The following EFNA5 variants were observed in gnomAD, a reference collection of about 807,000 sequenced individuals.
EFNA5 encodes the protein ephrin-A5.
EFNA5 carries 5 observed loss-of-function variants against 22.9 expected under a neutral mutation model. The observed-to-expected ratio is 0.22, with a 90% CI of 0.11 to 0.46. The LOEUF is 0.46. Ranked by LOEUF, EFNA5 falls within the 20% of genes least tolerant of loss-of-function variation. The probability of loss-of-function intolerance (pLI) is 0.99; values close to 1 mark genes in which losing one functional copy is unlikely to be tolerated. For synonymous variants in EFNA5, 113 were observed against 112.2 expected (o/e 1.01, Z -0.04); for missense variants, 237 against 293.3 (o/e 0.81, Z 1.40).
At chr5:107,608,100 A>G (rs912912550) in intron 1 of EFNA5, among the ~76,000 whole-genome samples, 5 of 152,224 alleles carry the variant, frequency 3.3e-5, no homozygotes, top group African/African-American at 1.2e-4. Context: ...TGGCAATGTT[A>G]CATCACTGCT....
intron 1 of EFNA5, among the ~76,000 whole-genome samples, chr5:107,429,985 A>T (rs1748905549): frequency 6.6e-6 from 1 of 152,212 alleles, no homozygotes; most frequent in Non-Finnish European, 1.5e-5. Flanking sequence ...ATGCTGATTT[A>T]CACAAGAGAA....
chr5:107,660,960 G>T (rs559770879), intron 1 of EFNA5, among the ~76,000 whole-genome samples: 1 of 152,180 alleles, frequency 6.6e-6, no homozygotes, highest in East Asian at 1.9e-4. Context: ...GTTTATTGAA[G>T]CAGTAACAGT....
rs534719422 is a variant in EFNA5, at chr5:107,638,312, G to A, written c.125+32177C>T. 2.6e-4 allele frequency among the ~76,000 whole-genome samples: 40 copies of A among 152,208 alleles called. No homozygotes were observed. In the South Asian group the frequency reaches 5.6e-3, roughly 21 times the overall value. On this transcript the variant is annotated intron_variant, in intron 1 of 4. Coordinates refer to ENST00000333274, the MANE Select transcript of EFNA5 (RefSeq NM_001962.3). ...AGGCTAAAAAAGTAGAACTCATAGA[G>A]AGAGAGTAAAAAGATGGTTTCCAGG...
intron 1 of EFNA5, among the ~76,000 whole-genome samples, chr5:107,622,729 G>C (rs903018749): frequency 6.6e-6 from 1 of 152,090 alleles, no homozygotes; most frequent in Non-Finnish European, 1.5e-5. Context: ...AGTCTCAAAA[G>C]TTGAATACTC....
chr5:107,469,575 AGTG>A (rs1750083458), intron 1 of EFNA5, among the ~76,000 whole-genome samples: 3 of 152,266 alleles, frequency 2.0e-5, no homozygotes, highest in East Asian at 1.9e-4. Context: ...ACCTTGCCAC[AGTG>A]GTGTCTTTCT....
intron 1 of EFNA5, among the ~76,000 whole-genome samples, chr5:107,661,001 C>T (rs973076870): frequency 6.6e-6 from 1 of 151,752 alleles, no homozygotes; most frequent in Non-Finnish European, 1.5e-5. Context: ...CACTGAATGC[C>T]ACAGTATCTA....
chr5:107,445,386 G>A (rs1749363849), intron 1 of EFNA5, among the ~76,000 whole-genome samples: 1 of 152,158 alleles, frequency 6.6e-6, no homozygotes, highest in South Asian at 2.1e-4. Context: ...ACTTTGTACA[G>A]AGCACATATG....
chr5:107,490,580 C>A (rs12109862), intron 1 of EFNA5, among the ~76,000 whole-genome samples: 6,444 of 152,276 alleles, frequency 0.042, 467 homozygotes, highest in African/African-American at 0.15. Flanking sequence ...AAATCTTCAC[C>A]CTCACCTTTC....
At chr5:107,649,027 CCT>C (rs1311479077) in intron 1 of EFNA5, among the ~76,000 whole-genome samples, 1 of 152,072 alleles carries the variant, frequency 6.6e-6, no homozygotes, top group African/African-American at 2.4e-5. Context: ...ACAACAATCC[CCT>C]CATTTCACAG....
rs1747439948 is a variant in EFNA5, at chr5:107,381,016, G to T, written c.*239C>A. 3 of 357,078 alleles carry T rather than the reference G, an allele frequency of 8.4e-6. No individual in the cohort carries two copies. The highest frequency in any genetic ancestry group is 4.9e-5 in the East Asian group (1 of 20,354). The allele number at this position is 357,078 out of a possible 1,614,324, so 22.1% of individuals were successfully genotyped here. Reference sequence around the variant, plus strand: ...CTGGAGTCCATTTAATTTGGGAGGGGTGAGAGAAGCCAAGGGCCAGGGCTG... The same window carrying T: ...CTGGAGTCCATTTAATTTGGGAGGGTTGAGAGAAGCCAAGGGCCAGGGCTG... On this transcript the variant is annotated 3_prime_UTR_variant, in exon 5 of 5. Coordinates refer to ENST00000333274, the MANE Select transcript of EFNA5 (RefSeq NM_001962.3).
chr5:107,416,649 A>T (rs1655720615), intron 2 of EFNA5, among the ~76,000 whole-genome samples: 1 of 152,228 alleles, frequency 6.6e-6, no homozygotes, highest in Non-Finnish European at 1.5e-5. Context: ...AGCATGAGTA[A>T]ACCTTTAGCA....
At chr5:107,421,194 AC>A (rs1405604235) in intron 2 of EFNA5, among the ~76,000 whole-genome samples, 1 of 152,188 alleles carries the variant, frequency 6.6e-6, no homozygotes, top group African/African-American at 2.4e-5. Flanking sequence ...AAAACTGTAA[AC>A]TTTTAATCTA....
chr5:107,407,296 G>C (rs1238567945), intron 2 of EFNA5, among the ~76,000 whole-genome samples: 1 of 152,086 alleles, frequency 6.6e-6, no homozygotes, highest in Non-Finnish European at 1.5e-5. Context: ...GAGTGACATA[G>C]ACCTGGAAGA....
At chr5:107,454,743 T>C (rs369619324) in intron 1 of EFNA5, among the ~76,000 whole-genome samples, 1 of 152,276 alleles carries the variant, frequency 6.6e-6, no homozygotes, top group East Asian at 1.9e-4. Context: ...TACAAATGTA[T>C]CACATTTAGT....
intron 1 of EFNA5, among the ~76,000 whole-genome samples, chr5:107,444,903 T>C (rs1327189329): frequency 2.0e-5 from 3 of 152,216 alleles, no homozygotes; most frequent in Non-Finnish European, 4.4e-5. Flanking sequence ...TTAGTTTAAA[T>C]GCTTACCGTT....
intron 1 of EFNA5, among the ~76,000 whole-genome samples, chr5:107,467,368 T>C (rs1750015401): frequency 6.6e-6 from 1 of 152,212 alleles, no homozygotes; most frequent in South Asian, 2.1e-4. Context: ...AATAGGTCTT[T>C]AACACCTCTC....
intron 1 of EFNA5, among the ~76,000 whole-genome samples, chr5:107,468,776 G>T (rs375462474): frequency 6.7e-6 from 1 of 148,868 alleles, no homozygotes; most frequent in Non-Finnish European, 1.5e-5. Context: ...ATGTGATGTA[G>T]AAATAAACAA....
At chr5:107,609,960 T>A (rs1490164583) in intron 1 of EFNA5, among the ~76,000 whole-genome samples, 3 of 152,290 alleles carry the variant, frequency 2.0e-5, no homozygotes, top group East Asian at 3.9e-4. Flanking sequence ...ATCAACAAGA[T>A]CACCTCTCAT....
chr5:107,670,745 T>G lies in EFNA5; in HGVS notation c.-132A>C, dbSNP rs35553. 0.95 allele frequency: 1,232,174 copies of G among 1,297,450 alleles called. 585,410 individuals are homozygous for G. The highest frequency in any genetic ancestry group is 1 in the East Asian group (38,938 of 38,944). The allele number at this position is 1,297,450 out of a possible 1,614,324, so 80.4% of individuals were successfully genotyped here. A position where few individuals can be genotyped will look rare whatever the true frequency, so the allele number is the denominator to read the frequency against. On this transcript the variant is annotated 5_prime_UTR_variant, in exon 1 of 5. Transcript: ENST00000333274. ...AAATATGAATAAATAAAAATGAAAG[T>G]GGGCGAGAAAGGAAAGAGGCGCCCA... is the stretch of plus-strand genomic sequence containing the variant.
Sources: allele counts gnomAD v4.1 joint callset (sites outside exome capture counted in the v4.1 genomes callset), GRCh38; gene constraint gnomAD v4.1.1; transcripts MANE v1.5; gene names NCBI Gene and HGNC (gene_info 2026-07-23, HGNC 2026-07-21).